C19orf47: variants seen among roughly 807,000 people sequenced by gnomAD.
C19orf47 encodes the protein uncharacterized protein C19orf47.
C19orf47 carries 18 observed loss-of-function variants against 32.3 expected under a neutral mutation model. The observed-to-expected ratio is 0.56, with a 90% CI of 0.39 to 0.83. The LOEUF (loss-of-function observed/expected upper bound fraction) is 0.83, where lower values mean the gene tolerates loss of function less well. Ranked by LOEUF, C19orf47 falls within the 40% of genes least tolerant of loss-of-function variation. The pLI is 0.00. For synonymous variants in C19orf47, 202 were observed against 211.1 expected, an observed-to-expected ratio of 0.96 and a Z score of 0.37; for missense variants, 484 against 531.6, an observed-to-expected ratio of 0.91 and a Z score of 0.88.
intron 1 of C19orf47, among the ~76,000 whole-genome samples, chr19:40,347,800 T>C (rs964353816): frequency 3.3e-5 from 5 of 152,106 alleles, no homozygotes; most frequent in Middle Eastern, 3.2e-3. Flanking sequence ...ATCATTATAG[T>C]CCCAATCCAC....
chr19:40,341,288 C>T (rs555078160), intron 2 of C19orf47, among the ~76,000 whole-genome samples: 73 of 149,668 alleles, frequency 4.9e-4, no homozygotes, highest in African/African-American at 1.7e-3. Flanking sequence ...GAGCCGAGAT[C>T]GTGCCATTGC....
At chr19:40,339,792 A>C (rs1476202423) in intron 2 of C19orf47, among the ~76,000 whole-genome samples, 3 of 151,744 alleles carry the variant, frequency 2.0e-5, no homozygotes, top group Non-Finnish European at 4.4e-5. Context: ...ACCAACATAG[A>C]AAAACCCCAT....
At chr19:40,335,334 G>A (rs1291066522) in intron 4 of C19orf47, among the ~76,000 whole-genome samples, 2 of 152,208 alleles carry the variant, frequency 1.3e-5, no homozygotes, top group Non-Finnish European at 2.9e-5. Flanking sequence ...CACATAGGAA[G>A]CTGCTGTCCT....
chr19:40,336,871 T>C (rs944967730), intron 2 of C19orf47, among the ~76,000 whole-genome samples: 3 of 151,792 alleles, frequency 2.0e-5, no homozygotes, highest in African/African-American at 7.3e-5. Flanking sequence ...AGAAGCATCA[T>C]AGAGCCAGCC....
chr19:40,312,150 T>C, the C19orf47 span, among the ~76,000 whole-genome samples: 1 of 152,196 alleles, frequency 6.6e-6, no homozygotes, highest in Non-Finnish European at 1.5e-5. Flanking sequence ...AGATGTTGAC[T>C]TCCTCTTACT....
the C19orf47 span, among the ~76,000 whole-genome samples, chr19:40,310,770 C>T: frequency 3.9e-5 from 6 of 152,132 alleles, no homozygotes; most frequent in Non-Finnish European, 8.8e-5. Flanking sequence ...TGTAAATATA[C>T]AGATATTTCT....
chr19:40,296,557 C>G, the C19orf47 span, among the ~76,000 whole-genome samples: 1 of 152,108 alleles, frequency 6.6e-6, no homozygotes, highest in Non-Finnish European at 1.5e-5. Context: ...GCTAGGATCA[C>G]AGGCATGAGC....
chr19:40,333,431 T>C (rs770517446), intron 5 of C19orf47, among the ~76,000 whole-genome samples: 4 of 152,122 alleles, frequency 2.6e-5, no homozygotes, highest in Middle Eastern at 3.2e-3. Context: ...AGTTACAGTG[T>C]TGTTGGCTAT....
At chr19:40,331,198 C>T (rs2077945426) in intron 5 of C19orf47, among the ~76,000 whole-genome samples, 1 of 152,210 alleles carries the variant, frequency 6.6e-6, no homozygotes, top group Non-Finnish European at 1.5e-5. Flanking sequence ...GTTGTGCAAG[C>T]AGTGGCTTAA....
intron 2 of C19orf47, among the ~76,000 whole-genome samples, chr19:40,340,975 CAA>C (rs34578402): frequency 4.4e-4 from 45 of 102,872 alleles, no homozygotes; most frequent in Middle Eastern, 6.0e-3. Context: ...GAGCCTGTCT[CAA>C]AAAAAAAAAA....
At chr19:40,307,505 C>T in the C19orf47 span, among the ~76,000 whole-genome samples, 4 of 152,132 alleles carry the variant, frequency 2.6e-5, no homozygotes, top group East Asian at 7.8e-4. Context: ...CTCAAGGGAT[C>T]CTCTTGCCTT....
intron 1 of C19orf47, among the ~76,000 whole-genome samples, chr19:40,347,964 T>C (rs1048174159): frequency 1.3e-5 from 2 of 152,136 alleles, no homozygotes; most frequent in African/African-American, 4.8e-5. Context: ...CAGGCCCCAC[T>C]GCCGCACAGT....
At chr19:40,305,751 C>A in the C19orf47 span, among the ~76,000 whole-genome samples, 11 of 152,044 alleles carry the variant, frequency 7.2e-5, no homozygotes, top group African/African-American at 2.7e-4. Context: ...CAATAAGGAA[C>A]GTTATTGGGA....
At chr19:40,313,136 T>G in the C19orf47 span, among the ~76,000 whole-genome samples, 1 of 152,206 alleles carries the variant, frequency 6.6e-6, no homozygotes, top group Non-Finnish European at 1.5e-5. Context: ...GGTACCAGCT[T>G]ACATTCCATC....
At chr19:40,329,785 T>A (rs2077911062) in intron 5 of C19orf47, among the ~76,000 whole-genome samples, 1 of 152,166 alleles carries the variant, frequency 6.6e-6, no homozygotes, top group African/African-American at 2.4e-5. Flanking sequence ...GCAAACTCTC[T>A]GGCTATGCAG....
rs777824451 is a variant in C19orf47 at position 40,336,420 on chromosome 19, A to C, written c.20-13T>G. On this transcript the variant is annotated splice_polypyrimidine_tract_variant and intron_variant, in intron 2 of 8. Transcript: ENST00000683109. Reference sequence around the variant, plus strand: ...CACTCGGAAGTGGCTGTGGGGTTGGACAGGGCTCATTACTCACACTGTCCT... The same window carrying C: ...CACTCGGAAGTGGCTGTGGGGTTGGCCAGGGCTCATTACTCACACTGTCCT... The C allele has an allele frequency of 1.2e-6, 2 of 1,608,352 alleles. No individual in the cohort carries two copies. Among genetic ancestry groups the C allele is most frequent in the South Asian group, 1.1e-5 (1 of 90,448 alleles).
intron 2 of C19orf47, among the ~76,000 whole-genome samples, chr19:40,340,821 ATACAAAAAT>A (rs545498300): frequency 1.5e-3 from 224 of 151,984 alleles, no homozygotes; most frequent in Middle Eastern, 0.014. Flanking sequence ...TCTACAAAAA[ATACAAAAAT>A]TAGCCGGGCG....
chr19:40,335,622 T>C (rs1222693465), intron 4 of C19orf47, among the ~76,000 whole-genome samples: 1 of 151,740 alleles, frequency 6.6e-6, no homozygotes, highest in Non-Finnish European at 1.5e-5. Context: ...TTTTTTTTTT[T>C]TTTTCTTGAG....
chr19:40,327,831 G>C (rs2077865704), intron 6 of C19orf47, among the ~76,000 whole-genome samples: 1 of 152,168 alleles, frequency 6.6e-6, no homozygotes, highest in South Asian at 2.1e-4. Flanking sequence ...CCCATGATGG[G>C]AAGGAGGCTG....
Sources: allele counts gnomAD v4.1 joint callset (sites outside exome capture counted in the v4.1 genomes callset), GRCh38; gene constraint gnomAD v4.1.1; transcripts MANE v1.5; gene names NCBI Gene and HGNC (gene_info 2026-07-23, HGNC 2026-07-21).